The following CCNH variants were observed in gnomAD, a reference collection of about 807,000 sequenced individuals.
CCNH encodes the protein cyclin-H.
Under a neutral mutation model 41.9 loss-of-function variants are expected in CCNH, and 31 were observed. That is an observed-to-expected ratio of 0.74 (90% CI 0.56 to 1.00). The LOEUF is 1.00. CCNH is among the 50% of genes least tolerant of loss of function. The pLI, the probability that CCNH is intolerant of heterozygous loss-of-function variation, is 0.00. For missense variants in CCNH, 362 were observed against 388.4 expected (o/e 0.93, Z 0.57); for synonymous variants, 138 against 136.1 (o/e 1.01, Z -0.10).
At chr5:87,337,101 T>C (rs1406209854) in intron 9 of CCNH, among the ~76,000 whole-genome samples, 3 of 152,080 alleles carry the variant, frequency 2.0e-5, no homozygotes, top group Non-Finnish European at 4.4e-5. Context: ...AATACAGTTA[T>C]AGATACAGGG....
chr5:87,402,473 G>C (rs1157541315), intron 5 of CCNH, among the ~76,000 whole-genome samples: 1 of 152,060 alleles, frequency 6.6e-6, no homozygotes, highest in Non-Finnish European at 1.5e-5. Context: ...ACCTATGATT[G>C]ATAAAAGGCG....
downstream of CCNH, among the ~76,000 whole-genome samples, chr5:87,389,768 CAG>C: frequency 6.6e-6 from 1 of 152,306 alleles, no homozygotes; most frequent in East Asian, 1.9e-4. Flanking sequence ...TACTGGAAAA[CAG>C]TGTAATAACA....
chr5:87,340,152 C>T (rs1580304183), intron 9 of CCNH, among the ~76,000 whole-genome samples: 2 of 152,230 alleles, frequency 1.3e-5, no homozygotes, highest in African/African-American at 4.8e-5. Flanking sequence ...AGTTTTCCCT[C>T]TTCCTTGACA....
chr5:87,375,813 A>G (rs1160463800), downstream of CCNH, among the ~76,000 whole-genome samples: 2 of 152,212 alleles, frequency 1.3e-5, no homozygotes, highest in African/African-American at 4.8e-5. Flanking sequence ...TAACAGATCA[A>G]AGCCTGAATA....
At chr5:87,338,537 T>TATATATATATATATATATATATATATA (rs1421369290) in intron 9 of CCNH, among the ~76,000 whole-genome samples, 2 of 79,796 alleles carry the variant, frequency 2.5e-5, no homozygotes, top group African/African-American at 4.6e-5. Context: ...ATATATAAAA[T>TATATATATATATATATATATATATATA]TTTTTTTTTT....
At chr5:87,336,171 A>G (rs1397807568) in intron 9 of CCNH, among the ~76,000 whole-genome samples, 2 of 152,334 alleles carry the variant, frequency 1.3e-5, no homozygotes, top group East Asian at 3.9e-4. Context: ...TTGCAAAATT[A>G]TAAAACAGTG....
intron 9 of CCNH, among the ~76,000 whole-genome samples, chr5:87,368,347 A>G (rs1760680174): frequency 6.6e-6 from 1 of 151,688 alleles, no homozygotes; most frequent in South Asian, 2.1e-4. Flanking sequence ...CTTGTTACCT[A>G]TTTTCTTAAA....
chr5:87,366,822 A>T (rs990495480), intron 9 of CCNH, among the ~76,000 whole-genome samples: 2 of 152,142 alleles, frequency 1.3e-5, no homozygotes, highest in Non-Finnish European at 2.9e-5. Context: ...GCTTAAGCTC[A>T]GGGGTTGGAG....
intron 9 of CCNH, among the ~76,000 whole-genome samples, chr5:87,333,737 TGTTA>T (rs1757759833): frequency 6.6e-6 from 1 of 152,152 alleles, no homozygotes; most frequent in African/African-American, 2.4e-5. Flanking sequence ...CTATGCAACA[TGTTA>T]GTTTGTGGTT....
chr5:87,342,533 T>C (rs545452238), intron 9 of CCNH, among the ~76,000 whole-genome samples: 1 of 152,304 alleles, frequency 6.6e-6, no homozygotes, highest in East Asian at 1.9e-4. Context: ...GTCAAGTATA[T>C]ATATTCCCAG....
chr5:87,372,734 CTTTT>C (rs998920261), downstream of CCNH, among the ~76,000 whole-genome samples: 1 of 151,972 alleles, frequency 6.6e-6, no homozygotes, highest in Non-Finnish European at 1.5e-5. Flanking sequence ...CATTTCTTGG[CTTTT>C]TTCTTTTTAG....
intron 9 of CCNH, among the ~76,000 whole-genome samples, chr5:87,327,386 T>C (rs1237350294): frequency 6.6e-6 from 1 of 152,238 alleles, no homozygotes; most frequent in Non-Finnish European, 1.5e-5. Flanking sequence ...TACAAGTCAT[T>C]AATTTTATTC....
chr5:87,332,269 A>G (rs1427627169), intron 9 of CCNH, among the ~76,000 whole-genome samples: 1 of 152,066 alleles, frequency 6.6e-6, no homozygotes, highest in Non-Finnish European at 1.5e-5. Flanking sequence ...GGAATTCTGT[A>G]ATTGAGGTTT....
At chr5:87,374,820 T>C (rs1353806482), downstream of CCNH, 3 of 1,608,744 alleles carry the variant, frequency 1.9e-6, no homozygotes, top group Non-Finnish European at 2.5e-6. Context: ...TGTTAATTCT[T>C]TTTCTCCTTG....
chr5:87,359,306 T>C (rs1365884369), intron 9 of CCNH, among the ~76,000 whole-genome samples: 1 of 152,196 alleles, frequency 6.6e-6, no homozygotes, highest in Non-Finnish European at 1.5e-5. Context: ...GATTACTGAA[T>C]TTCCCTTGGG....
At chr5:87,341,478 A>T (rs981998890) in intron 9 of CCNH, among the ~76,000 whole-genome samples, 3 of 152,150 alleles carry the variant, frequency 2.0e-5, no homozygotes, top group African/African-American at 7.2e-5. Flanking sequence ...TTTCTTAAGG[A>T]TCTAGTGATA....
chr5:87,389,604 G>A, downstream of CCNH: 1 of 1,552,752 alleles, frequency 6.4e-7, no homozygotes, highest in South Asian at 1.1e-5. Flanking sequence ...GCTGAATTCT[G>A]GTTAACATTT....
At chr5:87,348,465 G>T (rs2112419315) in intron 9 of CCNH, among the ~76,000 whole-genome samples, 1 of 152,006 alleles carries the variant, frequency 6.6e-6, no homozygotes, top group Non-Finnish European at 1.5e-5. Context: ...TAAAATTAAT[G>T]TCATATTTAA....
chr5:87,317,580 T>C (rs1224215728), downstream of CCNH, among the ~76,000 whole-genome samples: 1 of 152,184 alleles, frequency 6.6e-6, no homozygotes, highest in Admixed American at 6.6e-5. Flanking sequence ...TTGTCTCTTC[T>C]GTTTTTAAGG....
Sources: allele counts gnomAD v4.1 joint callset (sites outside exome capture counted in the v4.1 genomes callset), GRCh38; gene constraint gnomAD v4.1.1; transcripts MANE v1.5; gene names NCBI Gene and HGNC (gene_info 2026-07-23, HGNC 2026-07-21).